EPHA6: variants seen among roughly 807,000 people sequenced by gnomAD.
EPHA6 encodes ephrin type-A receptor 6.
A neutral mutation model predicts 112.0 loss-of-function variants in EPHA6; 50 were observed. That is an observed-to-expected ratio of 0.45 (90% CI 0.36 to 0.56). EPHA6 has a LOEUF of 0.56. Among genes scored for constraint, EPHA6 ranks in the 20% least tolerant of loss-of-function variants. The pLI is 0.00. For synonymous variants in EPHA6, 529 were observed against 490.7 expected, an observed-to-expected ratio of 1.08 and a Z score of -1.03; for missense variants, 1,280 against 1,417.4, an observed-to-expected ratio of 0.90 and a Z score of 1.56.
At chr3:96,896,555 G>T (rs910518752) in intron 2 of EPHA6, among the ~76,000 whole-genome samples, 1 of 152,148 alleles carries the variant, frequency 6.6e-6, no homozygotes, top group Non-Finnish European at 1.5e-5. Context: ...AAAACCACCA[G>T]CCACAAGTCT....
At chr3:97,376,713 T>G (rs1457094724) in intron 5 of EPHA6, among the ~76,000 whole-genome samples, 1 of 152,212 alleles carries the variant, frequency 6.6e-6, no homozygotes, top group Non-Finnish European at 1.5e-5. Context: ...AGGTCATTAT[T>G]TTCTACATTC....
rs749431467 is a variant in EPHA6 at position 96,987,866 on chromosome 3, T to C, written c.987T>C (p.Ser329=). ...DSSSLVEVRG[S]CVKSAEERDT... is the part of the protein sequence containing the mutation. ...CCTCTTTGGTTGAAGTACGGGGTTCTTGTGTGAAGAGTGCTGAAGAGCGTG... is the reference window on the plus strand; with the variant it reads ...CCTCTTTGGTTGAAGTACGGGGTTCCTGTGTGAAGAGTGCTGAAGAGCGTG... The change falls in exon 3 of 18, where the codon TCT becomes TCC. Residue 329 remains serine, a synonymous_variant. Transcript: ENST00000389672. The C allele has an allele frequency of 3.1e-6, 5 of 1,613,868 alleles. No individual in the cohort carries two copies. Among genetic ancestry groups the C allele is most frequent in the Non-Finnish European group, 4.2e-6 (5 of 1,179,832 alleles).
chr3:97,518,455 T>A (rs2107611745), intron 10 of EPHA6, among the ~76,000 whole-genome samples: 1 of 150,256 alleles, frequency 6.7e-6, no homozygotes, highest in East Asian at 1.9e-4. Context: ...ACATACTGAT[T>A]TTTTTTTTTC....
intron 5 of EPHA6, among the ~76,000 whole-genome samples, chr3:97,266,501 A>T (rs9812378): frequency 0.2 from 29,784 of 152,014 alleles, 7,179 homozygotes; most frequent in African/African-American, 0.56. Context: ...AGAAAATAAA[A>T]TCGGGCTTAA....
At chr3:97,362,738 G>C (rs911152306) in intron 5 of EPHA6, among the ~76,000 whole-genome samples, 1 of 151,914 alleles carries the variant, frequency 6.6e-6, no homozygotes, top group African/African-American at 2.4e-5. Context: ...TAACTTGAAG[G>C]AAAGTCTATT....
intron 14 of EPHA6, among the ~76,000 whole-genome samples, chr3:97,669,527 T>A (rs1377641399): frequency 6.6e-6 from 1 of 151,272 alleles, no homozygotes; most frequent in Non-Finnish European, 1.5e-5. Context: ...TAGCTTAGGC[T>A]GAGAGAGGAG....
chr3:97,673,145 CT>C (rs1250541758), intron 14 of EPHA6, among the ~76,000 whole-genome samples: 2 of 152,322 alleles, frequency 1.3e-5, no homozygotes, highest in Middle Eastern at 3.4e-3. Flanking sequence ...CCTCACATTA[CT>C]TTCCCACCAG....
At chr3:97,645,566 G>T (rs1263956558) in intron 14 of EPHA6, among the ~76,000 whole-genome samples, 1 of 150,486 alleles carries the variant, frequency 6.6e-6, no homozygotes, top group African/African-American at 2.4e-5. Flanking sequence ...CATAATGCTA[G>T]ATGACGAGTT....
intron 2 of EPHA6, among the ~76,000 whole-genome samples, chr3:96,925,327 G>A (rs1008443729): frequency 5.9e-5 from 9 of 152,094 alleles, no homozygotes; most frequent in East Asian, 1.9e-4. Context: ...TTTGAAACTC[G>A]TTATCAGTCT....
chr3:97,716,077 T>C lies in EPHA6; in HGVS notation c.2785-4184T>C, dbSNP rs183121726. Among the ~76,000 whole-genome samples the C allele has an allele frequency of 2.0e-5, 3 of 152,332 alleles. No individual in the cohort carries two copies. In the East Asian group the frequency reaches 5.8e-4, roughly 29 times the overall value. ...CATATGGTAAAGCAACATGTAATGT[T>C]CCAATAATTGTGATTTCAAATCTAA... On this transcript the variant is annotated intron_variant, in intron 14 of 17. Coordinates refer to ENST00000389672, the MANE Select transcript of EPHA6 (RefSeq NM_001080448.3).
rs535034365 is a variant in EPHA6 at position 97,490,108 on chromosome 3, T to TA, written c.2200+6056dup. ...AATAAATAAAATTCTTAAACTAATT[T>TA]AAAAAAATAATGAGTAAATAAATGA... On this transcript the variant is annotated intron_variant, in intron 10 of 17. Coordinates refer to ENST00000389672, the MANE Select transcript of EPHA6 (RefSeq NM_001080448.3). Among the ~76,000 whole-genome samples, 1,172 of 152,148 alleles carry TA rather than the reference T, an allele frequency of 7.7e-3. 24 individuals carry two copies. Among genetic ancestry groups the TA allele is most frequent in the African/African-American group, 0.027 (1,113 of 41,494 alleles).
chr3:97,504,339 G>C (rs2092193901), intron 10 of EPHA6, among the ~76,000 whole-genome samples: 2 of 152,252 alleles, frequency 1.3e-5, no homozygotes, highest in Middle Eastern at 3.4e-3. Context: ...AGTGGGTAGG[G>C]GGCCCGGAAG....
chr3:97,497,006 G>A (rs2091997478), intron 10 of EPHA6, among the ~76,000 whole-genome samples: 1 of 152,046 alleles, frequency 6.6e-6, no homozygotes, highest in Non-Finnish European at 1.5e-5. Flanking sequence ...ATCCAACCTC[G>A]TTTTACCACT....
intron 11 of EPHA6, among the ~76,000 whole-genome samples, chr3:97,548,077 C>A (rs1393115289): frequency 6.6e-6 from 1 of 152,206 alleles, no homozygotes; most frequent in Non-Finnish European, 1.5e-5. Context: ...CACTGTCCTG[C>A]ACCTACTGTC....
chr3:97,203,680 C>G (rs2077637755), intron 3 of EPHA6, among the ~76,000 whole-genome samples: 1 of 152,004 alleles, frequency 6.6e-6, no homozygotes, highest in Admixed American at 6.6e-5. Flanking sequence ...AGTCAGGAGT[C>G]TTGAACTCGG....
chr3:97,420,232 C>A (rs1022476737), intron 6 of EPHA6, among the ~76,000 whole-genome samples: 11 of 151,528 alleles, frequency 7.3e-5, no homozygotes, highest in Admixed American at 3.9e-4. Flanking sequence ...TAATGTCACT[C>A]GTTCTCTGTG....
chr3:97,305,529 A>G (rs968069538), intron 5 of EPHA6, among the ~76,000 whole-genome samples: 2 of 152,106 alleles, frequency 1.3e-5, no homozygotes, highest in Non-Finnish European at 1.5e-5. Flanking sequence ...ATGGAATACT[A>G]TGCAGCCATA....
At chr3:96,989,090 T>C (rs1327932812) in intron 3 of EPHA6, among the ~76,000 whole-genome samples, 1 of 152,196 alleles carries the variant, frequency 6.6e-6, no homozygotes, top group Admixed American at 6.5e-5. Context: ...GGGTGTTTTC[T>C]ACAGCACCAG....
chr3:97,184,367 C>A (rs2077066092), intron 3 of EPHA6, among the ~76,000 whole-genome samples: 1 of 152,062 alleles, frequency 6.6e-6, no homozygotes, highest in African/African-American at 2.4e-5. Flanking sequence ...TAAAATATGC[C>A]ATCCTCTACA....
Sources: allele counts gnomAD v4.1 joint callset (sites outside exome capture counted in the v4.1 genomes callset), GRCh38; gene constraint gnomAD v4.1.1; transcripts MANE v1.5; gene names NCBI Gene and HGNC (gene_info 2026-07-23, HGNC 2026-07-21).